Variants in FSIP1 observed in about 807,000 individuals in gnomAD.
FSIP1 encodes fibrous sheath-interacting protein 1.
Under a neutral mutation model 60.9 loss-of-function variants are expected in FSIP1, and 65 were observed. That is an observed-to-expected ratio of 1.07 (90% CI 0.87 to 1.31). The LOEUF is 1.31. Ranked by LOEUF, FSIP1 falls within the 40% of genes most tolerant of loss-of-function variation. FSIP1 has a pLI of 0.00. For synonymous variants in FSIP1, 209 were observed against 221.2 expected, an observed-to-expected ratio of 0.94 and a Z score of 0.49; for missense variants, 675 against 665.5, an observed-to-expected ratio of 1.01 and a Z score of -0.16.
intron 10 of FSIP1, among the ~76,000 whole-genome samples, chr15:39,635,319 G>C (rs943865453): frequency 1.6e-4 from 24 of 151,058 alleles, no homozygotes; most frequent in African/African-American, 5.8e-4. Context: ...TGGCGACAGA[G>C]AGAGACTCTG....
At chr15:39,597,737 C>T (rs1890506007), downstream of FSIP1, 1 of 152,128 alleles carries the variant, frequency 6.6e-6, no homozygotes, top group Non-Finnish European at 1.5e-5. Flanking sequence ...TCAAGGGCCC[C>T]CATAAGAATA....
At chr15:39,782,066 T>C (rs1417451372) in intron 1 of FSIP1, among the ~76,000 whole-genome samples, 1 of 152,226 alleles carries the variant, frequency 6.6e-6, no homozygotes, top group Non-Finnish European at 1.5e-5. Context: ...AAAGAACACT[T>C]ATGTTTCAAA....
chr15:39,609,123 C>T lies in FSIP1; in HGVS notation c.1700-8197G>A, dbSNP rs113340313. Among the ~76,000 whole-genome samples the T allele has an allele frequency of 4.8e-3, 724 of 152,308 alleles. 3 individuals carry two copies. Among genetic ancestry groups the T allele is most frequent in the African/African-American group, 0.013 (541 of 41,550 alleles). On this transcript the variant is annotated intron_variant, in intron 11 of 11. Coordinates refer to ENST00000350221, the MANE Select transcript of FSIP1 (RefSeq NM_152597.5). ...TGGGAGTACAGGCAGGGCTAGACCACCTAGGATCAGCCAGAAACAAAGAAC... is the reference window on the plus strand; with the variant it reads ...TGGGAGTACAGGCAGGGCTAGACCATCTAGGATCAGCCAGAAACAAAGAAC...
In FSIP1 at chr15:39,713,498, C is replaced by T; in HGVS notation, c.1134G>A (p.Leu378=). 6.2e-7 allele frequency: 1 copy of T among 1,610,456 alleles called. No homozygotes were observed. Among genetic ancestry groups the T allele is most frequent in the Non-Finnish European group, 8.5e-7 (1 of 1,178,400 alleles). Reference sequence around the variant, plus strand: ...CATCAATCTCTCTCAGCCGATTATGCAGATCGCGTTGCTCTTTGGTGTTCC... The same window carrying T: ...CATCAATCTCTCTCAGCCGATTATGTAGATCGCGTTGCTCTTTGGTGTTCC... ...ILRNTKEQRD[L]HNRLREIDEK... Residue 378 remains leucine, a synonymous_variant, in exon 10 of 12, where the codon CTG becomes CTA. Coordinates refer to ENST00000350221, the MANE Select transcript of FSIP1 (RefSeq NM_152597.5).
intron 10 of FSIP1, among the ~76,000 whole-genome samples, chr15:39,670,981 T>C (rs370305135): frequency 4.6e-5 from 7 of 152,136 alleles, no homozygotes; most frequent in African/African-American, 1.7e-4. Context: ...AAAATAACAC[T>C]TGACAAACTG....
rs564228590 is a variant in FSIP1, at chr15:39,767,645, G to A, written c.311-1899C>T. On this transcript the variant is annotated intron_variant, in intron 3 of 11. Transcript: ENST00000350221. ...GCGTACAAGACACAAGTGGCTGGAC[G>A]TTGAGAGGAGCAGAGGAACACACCA... Among the ~76,000 whole-genome samples, 15 of 152,298 alleles carry A rather than the reference G, an allele frequency of 9.8e-5. No homozygotes were observed. The South Asian group carries it at 1.7e-3, about 17-fold the overall frequency.
intron 5 of FSIP1, among the ~76,000 whole-genome samples, chr15:39,756,904 A>G (rs1897317462): frequency 6.6e-6 from 1 of 152,176 alleles, no homozygotes. Context: ...CATCAGGACT[A>G]ATCTAACATT....
chr15:39,698,544 G>A (rs78754519), intron 10 of FSIP1, among the ~76,000 whole-genome samples: 4,729 of 152,134 alleles, frequency 0.031, 248 homozygotes, highest in African/African-American at 0.11. Flanking sequence ...CAAAATTAAC[G>A]TCTGTGCTTA....
intron 8 of FSIP1, among the ~76,000 whole-genome samples, chr15:39,731,021 C>T (rs1274986977): frequency 1.3e-5 from 2 of 152,166 alleles, no homozygotes; most frequent in Non-Finnish European, 2.9e-5. Context: ...ATCTTTGTTA[C>T]TTGCAACCCA....
chr15:39,756,701 A>C (rs1897311214), intron 5 of FSIP1, among the ~76,000 whole-genome samples: 1 of 152,094 alleles, frequency 6.6e-6, no homozygotes, highest in Non-Finnish European at 1.5e-5. Flanking sequence ...CCATCCTAAG[A>C]ATTTCTCCCT....
intron 1 of FSIP1, among the ~76,000 whole-genome samples, chr15:39,780,461 C>T (rs1434248564): frequency 6.6e-6 from 1 of 152,166 alleles, no homozygotes; most frequent in Non-Finnish European, 1.5e-5. Flanking sequence ...GGAGGCGGAG[C>T]TTGCAGTGAG....
rs535560393 is a variant in FSIP1 at position 39,684,390 on chromosome 15, C to T, written c.1188+29054G>A. Among the ~76,000 whole-genome samples, 40 of 152,260 alleles carry T rather than the reference C, an allele frequency of 2.6e-4. No homozygotes were observed. The South Asian group carries it at 8.3e-3, about 32-fold the overall frequency. On this transcript the variant is annotated intron_variant, in intron 10 of 11. Transcript: ENST00000350221. Reference sequence around the variant, plus strand: ...CAGACACTACAGCTGTGATTCCTGCCTGTCTCATTCGCTCACTCAAACTCA... The same window carrying T: ...CAGACACTACAGCTGTGATTCCTGCTTGTCTCATTCGCTCACTCAAACTCA...
chr15:39,741,388 AG>A (rs1896796099), intron 6 of FSIP1, among the ~76,000 whole-genome samples: 1 of 152,204 alleles, frequency 6.6e-6, no homozygotes, highest in Non-Finnish European at 1.5e-5. Flanking sequence ...TGGTTGAGCC[AG>A]GGGTAGGCCC....
chr15:39,760,806 T>C (rs561459631), intron 5 of FSIP1, among the ~76,000 whole-genome samples: 1 of 152,284 alleles, frequency 6.6e-6, no homozygotes, highest in African/African-American at 2.4e-5. Context: ...ATTATACCAA[T>C]GTTGATTTCT....
chr15:39,769,007 C>T lies in FSIP1; in HGVS notation c.310+1420G>A, dbSNP rs1268788201. 4.6e-5 allele frequency among the ~76,000 whole-genome samples: 7 copies of T among 152,252 alleles called. No homozygotes were observed. In the South Asian group the frequency reaches 6.2e-4, roughly 14 times the overall value. ...ATAAGAAAAGTCTAAGGGCCGGGCG[C>T]GGTGGCTCACGCCTGTAATCCCAGC... On this transcript the variant is annotated intron_variant, in intron 3 of 11. Transcript: ENST00000350221.
At chr15:39,755,171 A>G (rs1897264440) in intron 5 of FSIP1, among the ~76,000 whole-genome samples, 1 of 152,116 alleles carries the variant, frequency 6.6e-6, no homozygotes, top group Non-Finnish European at 1.5e-5. Flanking sequence ...TAAACATGGT[A>G]AGTTAAAGGG....
chr15:39,644,766 T>C (rs1892524541), intron 10 of FSIP1, among the ~76,000 whole-genome samples: 1 of 151,914 alleles, frequency 6.6e-6, no homozygotes, highest in Non-Finnish European at 1.5e-5. Flanking sequence ...TAACTAAAGG[T>C]AAACCTGTTT....
At chr15:39,760,605 C>A (rs1242504028) in intron 5 of FSIP1, among the ~76,000 whole-genome samples, 3 of 152,062 alleles carry the variant, frequency 2.0e-5, no homozygotes, top group African/African-American at 7.3e-5. Flanking sequence ...AATAGCTGAC[C>A]AATACTCTCC....
chr15:39,669,552 A>G (rs924529285), intron 10 of FSIP1, among the ~76,000 whole-genome samples: 1 of 152,218 alleles, frequency 6.6e-6, no homozygotes, highest in Admixed American at 6.5e-5. Flanking sequence ...TAATTAACAG[A>G]AAGATATCTT....
Sources: gnomAD v4.1 joint callset for allele counts (sites outside exome capture counted in the v4.1 genomes callset) on GRCh38, gnomAD v4.1.1 for gene constraint, MANE v1.5 for transcripts, NCBI Gene and HGNC (gene_info 2026-07-23, HGNC 2026-07-21) for gene names.